NT5DC3: variants seen among roughly 807,000 people sequenced by gnomAD.
NT5DC3 encodes the protein 5'-nucleotidase domain containing 3.
A neutral mutation model predicts 67.8 loss-of-function variants in NT5DC3; 42 were observed. That is an observed-to-expected ratio of 0.62 (90% CI 0.48 to 0.80). The LOEUF (loss-of-function observed/expected upper bound fraction) is 0.80. NT5DC3 is among the 30% of genes least tolerant of loss of function. The pLI is 0.00. For synonymous variants in NT5DC3, 237 were observed against 255.6 expected (o/e 0.93, Z 0.69); for missense variants, 570 against 696.4 (o/e 0.82, Z 2.04).
chr12:103,840,913 C>T (rs1222163257), intron 1 of NT5DC3, 36 bp downstream of exon 1: 1 of 1,273,546 alleles, frequency 7.9e-7, no homozygotes, highest in South Asian at 2.0e-5. Context: ...GCAGGAGGGG[C>T]CCCAGGCGCC....
At chr12:103,757,928 A>G in the NT5DC3 span, 2 of 540,080 alleles carry the variant, frequency 3.7e-6, no homozygotes, top group East Asian at 6.4e-5. Context: ...GGGCTGCTCA[A>G]GCAGCCACGT....
chr12:103,749,872 A>T, the NT5DC3 span, among the ~76,000 whole-genome samples: 1 of 131,572 alleles, frequency 7.6e-6, no homozygotes, highest in African/African-American at 2.9e-5. Flanking sequence ...AAAAAAAAAA[A>T]GCTGGTAAGA....
chr12:103,757,279 A>G, the NT5DC3 span, among the ~76,000 whole-genome samples: 7 of 151,392 alleles, frequency 4.6e-5, no homozygotes. Flanking sequence ...GTAGAGATGG[A>G]CTCTTACTAT....
intron 1 of NT5DC3, among the ~76,000 whole-genome samples, chr12:103,818,735 A>G (rs999514986): frequency 1.3e-5 from 2 of 152,186 alleles, no homozygotes; most frequent in African/African-American, 4.8e-5. Context: ...ACAGACATTT[A>G]AGAAACTTAG....
intron 4 of NT5DC3, among the ~76,000 whole-genome samples, chr12:103,800,348 A>G (rs890027742): frequency 2.0e-5 from 3 of 152,264 alleles, no homozygotes; most frequent in Admixed American, 6.5e-5. Context: ...AAGATAAGAC[A>G]CTGGCACTAA....
rs1409484948 is a variant in NT5DC3, at chr12:103,773,779, A to G, written c.*4050T>C. Reference sequence around the variant, plus strand: ...TCTGCTGCTTAAAAGGCCTTTTGAGAAGAGGACAGAAGAAAAGCCACTTAG... The same window carrying G: ...TCTGCTGCTTAAAAGGCCTTTTGAGGAGAGGACAGAAGAAAAGCCACTTAG... On this transcript the variant is annotated 3_prime_UTR_variant, in exon 14 of 14. Coordinates refer to ENST00000392876, the MANE Select transcript of NT5DC3 (RefSeq NM_001031701.3). The G allele has an allele frequency of 6.6e-6, 1 of 152,514 alleles. No homozygotes were observed. Among genetic ancestry groups the G allele is most frequent in the Non-Finnish European group, 1.5e-5 (1 of 68,038 alleles). 9.4% of individuals were successfully genotyped at this position (152,514 alleles called of 1,614,324 possible). A position where few individuals can be genotyped will look rare whatever the true frequency, so the allele number is the denominator to read the frequency against.
chr12:103,766,093 C>G, downstream of NT5DC3: 2 of 734,708 alleles, frequency 2.7e-6, no homozygotes, highest in Non-Finnish European at 4.8e-6. Flanking sequence ...GCAGGAGAGA[C>G]TAAAACAGGT....
chr12:103,757,122 T>C, the NT5DC3 span, among the ~76,000 whole-genome samples: 1 of 151,662 alleles, frequency 6.6e-6, no homozygotes, highest in African/African-American at 2.4e-5. Flanking sequence ...AGAGTCTTGT[T>C]GTGTTGCCCA....
chr12:103,793,616 G>C, intron 7 of NT5DC3, 104 bp from the exon 8 acceptor site: 1 of 788,326 alleles, frequency 1.3e-6, no homozygotes, highest in South Asian at 1.6e-5. Context: ...CTAGGCACAG[G>C]AAAGGGAATA....
Position 103,780,271 on chromosome 12 carries a change from C to T in NT5DC3, c.1394+29G>A, listed in dbSNP as rs150824215. ...AGCACAGCCAGAACAGGGTGGTGGA[C>T]GCGCACATTCAATACAGGCCTCTCT... On this transcript the variant is annotated intron_variant, in intron 13 of 13. Coordinates refer to ENST00000392876, the MANE Select transcript of NT5DC3 (RefSeq NM_001031701.3). The T allele has an allele frequency of 9.3e-4, 1,473 of 1,588,000 alleles. 13 individuals are homozygous for T. The African/African-American group carries it at 0.018, about 19-fold the overall frequency.
chr12:103,796,076 G>A (rs1486175907), intron 6 of NT5DC3, among the ~76,000 whole-genome samples: 2 of 152,108 alleles, frequency 1.3e-5, no homozygotes, highest in East Asian at 1.9e-4. Flanking sequence ...TACATCCCCC[G>A]TCCCCCAACT....
chr12:103,804,038 A>C (rs1886696812), intron 4 of NT5DC3, among the ~76,000 whole-genome samples: 1 of 152,106 alleles, frequency 6.6e-6, no homozygotes, highest in Non-Finnish European at 1.5e-5. Context: ...CTCTGGCACT[A>C]ATAATAGTAC....
downstream of NT5DC3, among the ~76,000 whole-genome samples, chr12:103,765,679 T>G (rs191367869): frequency 1.1e-3 from 166 of 152,104 alleles, no homozygotes; most frequent in African/African-American, 3.6e-3. Context: ...GCCTCCCGAG[T>G]AGCTGGGCCT....
chr12:103,840,443 C>G (rs375940618), intron 1 of NT5DC3, among the ~76,000 whole-genome samples: 1 of 104,752 alleles, frequency 9.5e-6, no homozygotes, highest in African/African-American at 2.9e-5. Context: ...TCCATCCCAT[C>G]CCATCCCATC....
At chr12:103,767,016 A>AGTT (rs1403440879), downstream of NT5DC3, 17 of 152,432 alleles carry the variant, frequency 1.1e-4, no homozygotes, top group Admixed American at 7.2e-4. Context: ...TGTAGAAAAC[A>AGTT]GTTTGGCAAA....
chr12:103,766,266 T>C (rs1265150359), downstream of NT5DC3: 9 of 1,613,756 alleles, frequency 5.6e-6, no homozygotes, highest in Non-Finnish European at 7.6e-6. Context: ...CCTGCCCCCT[T>C]ACAACCCTCT....
At chr12:103,759,007 G>A in the NT5DC3 span, 3 of 1,502,678 alleles carry the variant, frequency 2.0e-6, no homozygotes, top group East Asian at 6.8e-5. Flanking sequence ...GACATTTCCT[G>A]ATCTCCACAT....
chr12:103,794,696 A>G (rs770354260), intron 6 of NT5DC3, among the ~76,000 whole-genome samples: 1 of 152,228 alleles, frequency 6.6e-6, no homozygotes, highest in Non-Finnish European at 1.5e-5. Flanking sequence ...CTAGACCCCA[A>G]CGGCAAATTC....
At chr12:103,759,345 C>T in the NT5DC3 span, 1 of 1,565,354 alleles carries the variant, frequency 6.4e-7, no homozygotes, top group African/African-American at 1.4e-5. Context: ...ACAGTAGGTG[C>T]TTAATAGATG....
Sources: allele counts gnomAD v4.1 joint callset (sites outside exome capture counted in the v4.1 genomes callset), GRCh38; gene constraint gnomAD v4.1.1; transcripts MANE v1.5; gene names NCBI Gene and HGNC (gene_info 2026-07-23, HGNC 2026-07-21).